CNTNAP2: variants seen among roughly 807,000 people sequenced by gnomAD.
The protein encoded by CNTNAP2 is contactin associated protein 2, also known as contactin-associated protein-like 2.
A neutral mutation model predicts 155.2 loss-of-function variants in CNTNAP2; 98 were observed. The observed-to-expected ratio is 0.63, with a 90% confidence interval of 0.54 to 0.75. The LOEUF (loss-of-function observed/expected upper bound fraction) is 0.75. Among genes scored for constraint, CNTNAP2 ranks in the 30% least tolerant of loss-of-function variants. CNTNAP2 has a pLI of 0.00. For missense variants in CNTNAP2, 1,727 were observed against 1,688.1 expected, an observed-to-expected ratio of 1.02 and a Z score of -0.40; for synonymous variants, 651 against 631.2, an observed-to-expected ratio of 1.03 and a Z score of -0.47.
chr7:147,118,110 T>C (rs1379199092), intron 5 of CNTNAP2, among the ~76,000 whole-genome samples: 4 of 152,106 alleles, frequency 2.6e-5, no homozygotes, highest in African/African-American at 9.7e-5. Context: ...AAATATTATA[T>C]AAACACCCAA....
intron 8 of CNTNAP2, among the ~76,000 whole-genome samples, chr7:147,222,266 T>C (rs1335629647): frequency 6.6e-6 from 1 of 152,142 alleles, no homozygotes; most frequent in East Asian, 1.9e-4. Flanking sequence ...TGTTATAGTT[T>C]TTTTTTTCAG....
At position 147,638,989 on chromosome 7, in the gene CNTNAP2, C is replaced by T. The variant is rs1584872898; in HGVS notation, c.1898-117C>T. On this transcript the variant is annotated intron_variant, in intron 12 of 23. Coordinates refer to ENST00000361727, the MANE Select transcript of CNTNAP2 (RefSeq NM_014141.6). ...GTTTTAAGGATTGCTCTCCTTAACA[C>T]TGTTCTACACCAGCTCAGTAAAAAG... The T allele has an allele frequency of 1.5e-5, 16 of 1,045,894 alleles. No homozygotes were observed. In the East Asian group the frequency reaches 3.5e-4, roughly 23 times the overall value. 64.8% of individuals were successfully genotyped at this position (1,045,894 alleles called of 1,614,324 possible). A position where few individuals can be genotyped will look rare whatever the true frequency, so the allele number is the denominator to read the frequency against.
chr7:147,610,118 T>C (rs1801153879), intron 12 of CNTNAP2, among the ~76,000 whole-genome samples: 1 of 152,152 alleles, frequency 6.6e-6, no homozygotes, highest in Non-Finnish European at 1.5e-5. Flanking sequence ...ATTATACATG[T>C]TGAAATTGAA....
At chr7:147,409,892 T>C (rs1797074460) in intron 10 of CNTNAP2, among the ~76,000 whole-genome samples, 3 of 151,656 alleles carry the variant, frequency 2.0e-5, no homozygotes, top group Admixed American at 2.0e-4. Flanking sequence ...TATTAAAACG[T>C]CAGAAAATAA....
chr7:147,813,560 A>G (rs1333823125), intron 13 of CNTNAP2, among the ~76,000 whole-genome samples: 1 of 152,196 alleles, frequency 6.6e-6, no homozygotes, highest in Non-Finnish European at 1.5e-5. Flanking sequence ...TCTTGGAGAA[A>G]GAAAAAGGAG....
At chr7:146,350,507 A>G (rs537108001) in intron 1 of CNTNAP2, among the ~76,000 whole-genome samples, 17,529 of 151,054 alleles carry the variant, frequency 0.12, 1,889 homozygotes, top group African/African-American at 0.29. Context: ...TAGAATGGCA[A>G]TCATTAAAAA....
chr7:146,692,982 G>C (rs1029738381), intron 1 of CNTNAP2, among the ~76,000 whole-genome samples: 8 of 152,028 alleles, frequency 5.3e-5, no homozygotes, highest in African/African-American at 1.7e-4. Flanking sequence ...TTGAACTATA[G>C]TATACGGTAA....
chr7:148,250,926 C>A (rs1027502008), intron 20 of CNTNAP2, among the ~76,000 whole-genome samples: 1 of 152,182 alleles, frequency 6.6e-6, no homozygotes, highest in African/African-American at 2.4e-5. Context: ...CAGCTCACTG[C>A]AATCTTGAAC....
chr7:146,650,505 G>T (rs992670331), intron 1 of CNTNAP2, among the ~76,000 whole-genome samples: 4 of 151,890 alleles, frequency 2.6e-5, no homozygotes, highest in African/African-American at 9.7e-5. Flanking sequence ...AGAACACATG[G>T]ACACAGGGAG....
intron 1 of CNTNAP2, among the ~76,000 whole-genome samples, chr7:146,473,376 CT>C (rs1796828109): frequency 6.6e-6 from 1 of 152,078 alleles, no homozygotes. Flanking sequence ...GCTTTTCTGG[CT>C]TTTTTCTTGC....
intron 8 of CNTNAP2, among the ~76,000 whole-genome samples, chr7:147,155,220 G>A (rs1275164830): frequency 6.6e-6 from 1 of 152,162 alleles, no homozygotes; most frequent in Non-Finnish European, 1.5e-5. Context: ...GATCCCTTGA[G>A]CCTTCTGCCA....
rs147574066 is a variant in CNTNAP2 at position 146,413,994 on chromosome 7, T to C, written c.97+297021T>C. ...TTACAGTTTGTCAAGTTGTTAAAAA[T>C]TGATACAAGAAAACTTAATTATTTC... On this transcript the variant is annotated intron_variant, in intron 1 of 23. Coordinates refer to ENST00000361727, the MANE Select transcript of CNTNAP2 (RefSeq NM_014141.6). Among the ~76,000 whole-genome samples the C allele has an allele frequency of 2.3e-4, 35 of 152,248 alleles. No individual in the cohort carries two copies. In the East Asian group the frequency reaches 3.1e-3, roughly 13 times the overall value.
intron 1 of CNTNAP2, among the ~76,000 whole-genome samples, chr7:146,219,496 T>C (rs1799172444): frequency 6.6e-6 from 1 of 152,218 alleles, no homozygotes; most frequent in South Asian, 2.1e-4. Context: ...TGGCTAATTA[T>C]TGTAAACTTT....
intron 3 of CNTNAP2, among the ~76,000 whole-genome samples, chr7:146,902,662 A>G (rs1187006694): frequency 6.6e-6 from 1 of 152,182 alleles, no homozygotes; most frequent in East Asian, 1.9e-4. Flanking sequence ...AATGCCAGAG[A>G]CAGTTTAAAC....
chr7:146,352,093 C>T (rs1216820802), intron 1 of CNTNAP2, among the ~76,000 whole-genome samples: 1 of 152,180 alleles, frequency 6.6e-6, no homozygotes, highest in Non-Finnish European at 1.5e-5. Context: ...TACAGAATTT[C>T]AGAGTCCAAA....
intron 4 of CNTNAP2, among the ~76,000 whole-genome samples, chr7:147,094,294 A>G (rs763405995): frequency 6.6e-6 from 1 of 152,156 alleles, no homozygotes; most frequent in Non-Finnish European, 1.5e-5. Context: ...TACCTTAAGA[A>G]GATTGAGGTT....
At chr7:148,345,683 G>A (rs955628820) in intron 21 of CNTNAP2, among the ~76,000 whole-genome samples, 10 of 151,926 alleles carry the variant, frequency 6.6e-5, no homozygotes, top group East Asian at 5.8e-4. Flanking sequence ...GTGCCCGGCC[G>A]TCACTAGATA....
intron 1 of CNTNAP2, among the ~76,000 whole-genome samples, chr7:146,156,061 G>T (rs1798121411): frequency 6.6e-6 from 1 of 151,992 alleles, no homozygotes. Context: ...AGTCATCCTA[G>T]AACAGAGACG....
intron 1 of CNTNAP2, among the ~76,000 whole-genome samples, chr7:146,630,367 T>G (rs1563163886): frequency 6.6e-6 from 1 of 152,208 alleles, no homozygotes. Context: ...CCACCTTTTC[T>G]TTATCCAGTC....
Sources: allele counts gnomAD v4.1 joint callset (sites outside exome capture counted in the v4.1 genomes callset), GRCh38; gene constraint gnomAD v4.1.1; transcripts MANE v1.5; gene names NCBI Gene and HGNC (gene_info 2026-07-23, HGNC 2026-07-21).